Variants in RILPL1 observed in about 807,000 individuals in gnomAD.
RILPL1 encodes RILP-like protein 1.
Under a neutral mutation model 50.3 loss-of-function variants are expected in RILPL1, and 33 were observed. The observed-to-expected ratio is 0.66, with a 90% CI of 0.50 to 0.88. The LOEUF is 0.88. Among genes scored for constraint, RILPL1 ranks in the 40% least tolerant of loss-of-function variants. RILPL1 has a pLI of 0.00. For missense variants in RILPL1, 418 were observed against 542.5 expected (o/e 0.77, Z 2.28); for synonymous variants, 205 against 228.6 (o/e 0.90, Z 0.93).
At chr12:123,528,433 G>GT (rs201546898) in intron 1 of RILPL1, among the ~76,000 whole-genome samples, 76,143 of 141,062 alleles carry the variant, frequency 0.54, 22,005 homozygotes, top group East Asian at 0.84. Flanking sequence ...GTTGTTGTTT[G>GT]TTTTTTTTTT....
Position 123,533,368 on chromosome 12 carries a change from C to G in RILPL1, c.115G>C (p.Glu39Gln). The G allele has an allele frequency of 6.4e-7, 1 of 1,570,754 alleles. No homozygotes were observed. Among genetic ancestry groups the G allele is most frequent in the Non-Finnish European group, 8.6e-7 (1 of 1,159,890 alleles). Residue 39 changes from glutamate (E) to glutamine (Q), a missense_variant, in exon 1 of 7, where the codon GAG becomes CAG. Glu to Gln is a conservative substitution (Grantham distance 29). Coordinates refer to ENST00000376874, the MANE Select transcript of RILPL1 (RefSeq NM_178314.5). The surrounding 1 kb of genome is among the most constrained non-coding windows in gnomAD (Gnocchi z 6.2). ...CAGCCGTGCTGGTCAATGACCCGCT[C>G]GAACTCGTGGCCCACAAGCGACGCG... ...DIASLVGHEFERVIDQHGCEA... is the reference protein window; with the variant it reads ...DIASLVGHEFQRVIDQHGCEA...
chr12:123,499,633 C>T (rs962298228), intron 2 of RILPL1, 97 bp from the exon 3 acceptor site: 5 of 896,656 alleles, frequency 5.6e-6, no homozygotes, highest in Admixed American at 3.9e-5. Flanking sequence ...GTCTTAGTGG[C>T]CCCCCGGCCT....
At chr12:123,512,119 T>TTG (rs752742295) in intron 2 of RILPL1, among the ~76,000 whole-genome samples, 15 of 52,412 alleles carry the variant, frequency 2.9e-4, no homozygotes, top group Non-Finnish European at 2.6e-4. Context: ...TGTGTGAGGT[T>TTG]TGTGTGTGTG....
chr12:123,493,478 C>G (rs1882829949), intron 4 of RILPL1, among the ~76,000 whole-genome samples: 1 of 152,198 alleles, frequency 6.6e-6, no homozygotes, highest in South Asian at 2.1e-4. Context: ...TTATTTCTTT[C>G]TCTATACTTT....
intron 6 of RILPL1, chr12:123,473,735 T>C (rs1317797266): frequency 2.0e-5 from 3 of 151,730 alleles, no homozygotes; most frequent in Non-Finnish European, 4.4e-5. Context: ...CTGTTGCATA[T>C]TGATCAGAGA....
At chr12:123,483,031 A>G (rs1429610491) in intron 6 of RILPL1, among the ~76,000 whole-genome samples, 2 of 152,180 alleles carry the variant, frequency 1.3e-5, no homozygotes, top group Non-Finnish European at 2.9e-5. Context: ...AGGTTGGGGT[A>G]TATGGGTAAC....
chr12:123,497,916 G>T (rs1883130273), intron 4 of RILPL1, among the ~76,000 whole-genome samples: 1 of 152,140 alleles, frequency 6.6e-6, no homozygotes, highest in Admixed American at 6.5e-5. Context: ...GAGTGGAATT[G>T]CTGGGTCATA....
At chr12:123,530,768 CTT>C (rs1566149388) in intron 1 of RILPL1, among the ~76,000 whole-genome samples, 2 of 152,192 alleles carry the variant, frequency 1.3e-5, no homozygotes, top group East Asian at 1.9e-4. Context: ...TGACATGAGA[CTT>C]TGCTTTTCTC....
chr12:123,525,700 CAAAAAA>C (rs1207503097), intron 1 of RILPL1, among the ~76,000 whole-genome samples: 7 of 44,986 alleles, frequency 1.6e-4, no homozygotes, highest in Admixed American at 3.3e-4. Context: ...GACACTGTCT[CAAAAAA>C]AAAAAAAAAA....
At position 123,484,291 on chromosome 12, in the gene RILPL1, C is replaced by T. The variant is rs142573147; in HGVS notation, c.975-19G>A. ...TTCTTCACTGGAAGGAGATGAGAGG[C>T]GTGAGATAAAAGAGTCAAAAGTTCC... On this transcript the variant is annotated intron_variant, in intron 5 of 6. Coordinates refer to ENST00000376874, the MANE Select transcript of RILPL1 (RefSeq NM_178314.5). 0.016 allele frequency: 23,713 copies of T among 1,526,552 alleles called. 343 individuals are homozygous for T. The highest frequency in any genetic ancestry group is 0.055 in the Admixed American group (3,263 of 59,718). The allele number at this position is 1,526,552 out of a possible 1,614,324, so 94.6% of individuals were successfully genotyped here.
At chr12:123,503,600 G>A (rs112286994) in intron 2 of RILPL1, among the ~76,000 whole-genome samples, 4 of 151,922 alleles carry the variant, frequency 2.6e-5, no homozygotes, top group South Asian at 2.1e-4. Flanking sequence ...CTGTGGTCCC[G>A]TGGCCTTCTC....
chr12:123,528,269 G>A (rs957529907), intron 1 of RILPL1, among the ~76,000 whole-genome samples: 2 of 151,160 alleles, frequency 1.3e-5, no homozygotes, highest in Admixed American at 6.6e-5. Flanking sequence ...TGAGGCGGGA[G>A]GATTGCTTGA....
intron 1 of RILPL1, among the ~76,000 whole-genome samples, chr12:123,526,614 G>C (rs1297798454): frequency 6.6e-6 from 1 of 152,242 alleles, no homozygotes; most frequent in South Asian, 2.1e-4. Flanking sequence ...CAAGCGGCCA[G>C]GTGGCCGGAT....
At chr12:123,504,873 C>G (rs774137304) in intron 2 of RILPL1, among the ~76,000 whole-genome samples, 2 of 152,058 alleles carry the variant, frequency 1.3e-5, no homozygotes, top group Non-Finnish European at 2.9e-5. Flanking sequence ...TGCCTTGTCA[C>G]CAGGGCACGA....
At chr12:123,480,519 C>A (rs1167504167) in intron 6 of RILPL1, among the ~76,000 whole-genome samples, 1 of 152,058 alleles carries the variant, frequency 6.6e-6, no homozygotes, top group Admixed American at 6.6e-5. Flanking sequence ...GAACACAAGT[C>A]TCTTGATCTC....
intron 1 of RILPL1, 143 bp from the exon 2 acceptor site, chr12:123,523,788 G>T: frequency 1.1e-6 from 1 of 881,766 alleles, no homozygotes; most frequent in Non-Finnish European, 1.7e-6. Flanking sequence ...AGGCCACCAC[G>T]AGTCCCATAT....
At position 123,485,833 on chromosome 12, in the gene RILPL1, A is replaced by C; in HGVS notation, c.802-28T>G. 6.3e-7 allele frequency: 1 copy of C among 1,574,922 alleles called. No individual in the cohort carries two copies. Among genetic ancestry groups the C allele is most frequent in the Non-Finnish European group, 8.6e-7 (1 of 1,162,714 alleles). On this transcript the variant is annotated intron_variant, in intron 4 of 6. Transcript: ENST00000376874. This position sits in a 1 kb window ranked among gnomAD's most constrained non-coding sequence, Gnocchi z 4.0. ...GGAGGAGGCAGAGATGCTGCTAATG[A>C]ATTCTTGGCAGCCACTGCCAGCACC... is the stretch of plus-strand genomic sequence containing the variant.
At position 123,533,240 on chromosome 12, in the gene RILPL1, G is replaced by T; in HGVS notation, c.243C>A (p.Arg81=). The T allele has an allele frequency of 6.3e-7, 1 of 1,593,888 alleles. No homozygotes were observed. The highest frequency in any genetic ancestry group is 8.5e-7 in the Non-Finnish European group (1 of 1,176,130). Residue 81 remains arginine (R), a synonymous_variant, in exon 1 of 7, where the codon CGC becomes CGA. Transcript: ENST00000376874. This position sits in a 1 kb window ranked among gnomAD's most constrained non-coding sequence, Gnocchi z 6.2. The part of the protein sequence containing the change: ...HHVAPELDEL[R]LELDRLRLER... ...CCAGGCGCAGGCGGTCCAGCTCCAG[G>T]CGCAGCTCGTCCAGCTCGGGCGCGA...
At chr12:123,532,859 T>C (rs908403134) in intron 1 of RILPL1, among the ~76,000 whole-genome samples, 1 of 152,170 alleles carries the variant, frequency 6.6e-6, no homozygotes, top group African/African-American at 2.4e-5. Context: ...GTGGGTCCTA[T>C]TATGATTACC....
Sources: allele counts gnomAD v4.1 joint callset (sites outside exome capture counted in the v4.1 genomes callset), GRCh38; gene constraint gnomAD v4.1.1; non-coding constraint Gnocchi (gnomAD v3.1); transcripts MANE v1.5; gene names NCBI Gene and HGNC (gene_info 2026-07-23, HGNC 2026-07-21).